SH3PXD2A: variants seen among roughly 807,000 people sequenced by gnomAD.
The protein encoded by SH3PXD2A is SH3 and PX domain-containing protein 2A.
A neutral mutation model predicts 115.2 loss-of-function variants in SH3PXD2A; 32 were observed. The observed-to-expected ratio is 0.28, with a 90% CI of 0.21 to 0.37. The LOEUF (loss-of-function observed/expected upper bound fraction) is 0.37. Among genes scored for constraint, SH3PXD2A ranks in the 10% least tolerant of loss-of-function variants. The pLI is 1.00. For missense variants in SH3PXD2A, 1,328 were observed against 1,498.7 expected (o/e 0.89, Z 1.88); for synonymous variants, 610 against 629.1 (o/e 0.97, Z 0.45).
chr10:103,635,109 T>C (rs189236981), intron 8 of SH3PXD2A, among the ~76,000 whole-genome samples: 55 of 152,284 alleles, frequency 3.6e-4, no homozygotes, highest in African/African-American at 1.2e-3. Context: ...GGCGTGTGCC[T>C]ATGCATCTGC....
chr10:103,610,819 A>T (rs1249986265), intron 13 of SH3PXD2A, among the ~76,000 whole-genome samples: 1 of 152,218 alleles, frequency 6.6e-6, no homozygotes, highest in Non-Finnish European at 1.5e-5. Context: ...AAGGGCACTG[A>T]AGCTTGTAGA....
rs1393141254 is a variant in SH3PXD2A at position 103,806,998 on chromosome 10, C to T, written c.73-5636G>A. 2.0e-5 allele frequency among the ~76,000 whole-genome samples: 3 copies of T among 152,248 alleles called. No homozygotes were observed. In the East Asian group the frequency reaches 5.8e-4, roughly 29 times the overall value. ...GAGGTCATCTTGGGCTGCCTTCTGT[C>T]TGCTCAGCTCACAAGGCCCACCAAT... On this transcript the variant is annotated intron_variant, in intron 1 of 14. Transcript: ENST00000369774.
rs2036115335 is a variant in SH3PXD2A, at chr10:103,595,145, A to G, written c.*6671T>C. Reference sequence around the variant, plus strand: ...TTGTGGCTGGTGACTTCTCTCTGCTAAGTAAATCAATGACCATTCATTGAG... The same window carrying G: ...TTGTGGCTGGTGACTTCTCTCTGCTGAGTAAATCAATGACCATTCATTGAG... On this transcript the variant is annotated 3_prime_UTR_variant, in exon 15 of 15. Coordinates refer to ENST00000369774, the MANE Select transcript of SH3PXD2A (RefSeq NM_001394015.1). The G allele has an allele frequency of 6.6e-6, 1 of 152,232 alleles. No homozygotes were observed. Among genetic ancestry groups the G allele is most frequent in the South Asian group, 2.1e-4 (1 of 4,828 alleles). 9.4% of individuals were successfully genotyped at this position (152,232 alleles called of 1,614,324 possible). A position where few individuals can be genotyped will look rare whatever the true frequency, so the allele number is the denominator to read the frequency against.
intron 1 of SH3PXD2A, among the ~76,000 whole-genome samples, chr10:103,811,499 G>C (rs2039270637): frequency 6.6e-6 from 1 of 152,210 alleles, no homozygotes. Context: ...AGAGACTAGG[G>C]CCCAGAGAGG....
chr10:103,734,402 A>G (rs2038356920), intron 4 of SH3PXD2A, among the ~76,000 whole-genome samples: 2 of 152,058 alleles, frequency 1.3e-5, no homozygotes, highest in Admixed American at 1.3e-4. Context: ...TTTGCTTTTA[A>G]TAAAGCCTTT....
chr10:103,676,046 A>G (rs1015674294), intron 6 of SH3PXD2A, among the ~76,000 whole-genome samples: 4 of 151,170 alleles, frequency 2.6e-5, no homozygotes, highest in Non-Finnish European at 4.4e-5. Context: ...TCTCGGGGGA[A>G]AAAAAAAAGA....
chr10:103,667,252 G>A (rs2037395171), intron 7 of SH3PXD2A, among the ~76,000 whole-genome samples: 1 of 152,126 alleles, frequency 6.6e-6, no homozygotes, highest in East Asian at 1.9e-4. Flanking sequence ...ACGTGGTTAA[G>A]TGTCCTCCCC....
chr10:103,701,495 CCATCCATT>C (rs1289893422), intron 5 of SH3PXD2A, among the ~76,000 whole-genome samples: 1 of 140,084 alleles, frequency 7.1e-6, no homozygotes, highest in African/African-American at 2.7e-5. Context: ...CATCCATCAT[CCATCCATT>C]CATCCATCCA....
intron 1 of SH3PXD2A, among the ~76,000 whole-genome samples, chr10:103,854,849 C>G (rs1405006765): frequency 6.6e-6 from 1 of 152,052 alleles, no homozygotes; most frequent in Non-Finnish European, 1.5e-5. Context: ...CTGGGGAGGG[C>G]CGAGGAGATG....
intron 8 of SH3PXD2A, among the ~76,000 whole-genome samples, chr10:103,648,934 T>C (rs1482037162): frequency 6.6e-6 from 1 of 152,176 alleles, no homozygotes; most frequent in Non-Finnish European, 1.5e-5. Context: ...ATTTAATCTG[T>C]GATGCATTTG....
intron 3 of SH3PXD2A, among the ~76,000 whole-genome samples, chr10:103,742,073 TG>T (rs1035102992): frequency 6.6e-6 from 1 of 152,122 alleles, no homozygotes; most frequent in South Asian, 2.1e-4. Context: ...CGCTTGAGCC[TG>T]GGGGGTTGAG....
At chr10:103,639,149 C>T (rs2036911218) in intron 8 of SH3PXD2A, among the ~76,000 whole-genome samples, 1 of 152,168 alleles carries the variant, frequency 6.6e-6, no homozygotes, top group Non-Finnish European at 1.5e-5. Context: ...ATGCAGTGGA[C>T]ATGGCGGTGG....
intron 1 of SH3PXD2A, among the ~76,000 whole-genome samples, chr10:103,809,467 C>A (rs1294100233): frequency 6.6e-6 from 1 of 152,180 alleles, no homozygotes; most frequent in African/African-American, 2.4e-5. Context: ...AAAACACAGA[C>A]GCTTCTACTG....
chr10:103,679,148 C>T (rs1490669934), intron 6 of SH3PXD2A, among the ~76,000 whole-genome samples: 2 of 152,222 alleles, frequency 1.3e-5, no homozygotes, highest in Admixed American at 6.5e-5. Context: ...CTCAGAGACC[C>T]CTACATGGCG....
At position 103,718,637 on chromosome 10, in the gene SH3PXD2A, G is replaced by A. The variant is rs548127831; in HGVS notation, c.398+5633C>T. On this transcript the variant is annotated intron_variant, in intron 5 of 14. Coordinates refer to ENST00000369774, the MANE Select transcript of SH3PXD2A (RefSeq NM_001394015.1). ...ATGGGGATAATAACATCACCTTCGT[G>A]GGTGGCCTAATATTTAAATGAATAT... 3.3e-5 allele frequency among the ~76,000 whole-genome samples: 5 copies of A among 152,252 alleles called. No homozygotes were observed. The South Asian group carries it at 1.0e-3, about 32-fold the overall frequency.
chr10:103,707,366 T>C (rs1301542679), intron 5 of SH3PXD2A, among the ~76,000 whole-genome samples: 1 of 151,872 alleles, frequency 6.6e-6, no homozygotes, highest in Non-Finnish European at 1.5e-5. Context: ...CAGCTAATTT[T>C]TGTATTTTTA....
chr10:103,795,917 AGG>A (rs1434367320), intron 2 of SH3PXD2A, among the ~76,000 whole-genome samples: 23 of 110,422 alleles, frequency 2.1e-4, no homozygotes, highest in African/African-American at 6.9e-4. Flanking sequence ...GAAGGAAGGA[AGG>A]AAGGAAGGAA....
chr10:103,778,343 G>A (rs2038900241), intron 2 of SH3PXD2A, among the ~76,000 whole-genome samples: 2 of 152,098 alleles, frequency 1.3e-5, no homozygotes, highest in Non-Finnish European at 2.9e-5. Flanking sequence ...AGAAAAAAAA[G>A]GCGGGGGGAA....
chr10:103,629,180 G>A (rs1371405653), intron 8 of SH3PXD2A, among the ~76,000 whole-genome samples: 2 of 152,284 alleles, frequency 1.3e-5, no homozygotes, highest in East Asian at 1.9e-4. Flanking sequence ...GGGCATCATC[G>A]GCAGGCTGGA....
Sources: allele counts gnomAD v4.1 joint callset (sites outside exome capture counted in the v4.1 genomes callset), GRCh38; gene constraint gnomAD v4.1.1; transcripts MANE v1.5; gene names NCBI Gene and HGNC (gene_info 2026-07-23, HGNC 2026-07-21).